The following GPC5 variants were observed in gnomAD, a reference collection of about 807,000 sequenced individuals.
The protein encoded by GPC5 is glypican-5.
A neutral mutation model predicts 53.9 loss-of-function variants in GPC5; 47 were observed. That is an observed-to-expected ratio of 0.87 (90% CI 0.69 to 1.11). GPC5 has a LOEUF of 1.11. Among genes scored for constraint, GPC5 ranks in the 50% most tolerant of loss-of-function variants. The pLI, the probability that GPC5 is intolerant of heterozygous loss-of-function variation, is 0.00. For missense variants in GPC5, 748 were observed against 713.1 expected (o/e 1.05, Z -0.56); for synonymous variants, 286 against 263.3 (o/e 1.09, Z -0.84).
intron 2 of GPC5, among the ~76,000 whole-genome samples, chr13:91,463,876 C>A (rs1882081110): frequency 6.6e-6 from 1 of 152,020 alleles, no homozygotes; most frequent in Admixed American, 6.6e-5. Context: ...GATTAGACAA[C>A]AAGAACACCC....
chr13:92,390,904 C>T (rs1451738077), intron 7 of GPC5, among the ~76,000 whole-genome samples: 1 of 151,984 alleles, frequency 6.6e-6, no homozygotes, highest in Non-Finnish European at 1.5e-5. Context: ...TTCAACTGGT[C>T]ACATAATCAA....
At chr13:92,143,127 A>C (rs575992012) in intron 6 of GPC5, among the ~76,000 whole-genome samples, 33 of 152,256 alleles carry the variant, frequency 2.2e-4, no homozygotes, top group African/African-American at 7.2e-4. Context: ...CCTATTATAG[A>C]TTTGAGGAAA....
intron 5 of GPC5, among the ~76,000 whole-genome samples, chr13:91,823,848 A>G (rs576827068): frequency 2.6e-5 from 4 of 152,176 alleles, no homozygotes; most frequent in Non-Finnish European, 4.4e-5. Flanking sequence ...TTCTTTCAAT[A>G]TGTCTATAAC....
At chr13:91,590,841 A>C (rs1293225248) in intron 2 of GPC5, among the ~76,000 whole-genome samples, 10 of 152,200 alleles carry the variant, frequency 6.6e-5, no homozygotes, top group Non-Finnish European at 1.5e-5. Flanking sequence ...TATTTAAATA[A>C]ATGGACAAAT....
intron 2 of GPC5, among the ~76,000 whole-genome samples, chr13:91,685,956 GA>G (rs1258380561): frequency 6.6e-6 from 1 of 151,344 alleles, no homozygotes; most frequent in Non-Finnish European, 1.5e-5. Flanking sequence ...AGAAAAAGAG[GA>G]AGGAGAACCA....
At chr13:92,543,526 G>A (rs7329646) in intron 7 of GPC5, among the ~76,000 whole-genome samples, 64,457 of 151,194 alleles carry the variant, frequency 0.43, 14,361 homozygotes, top group African/African-American at 0.56. Context: ...CAGCTCAGGC[G>A]TAGGGGATAT....
intron 7 of GPC5, among the ~76,000 whole-genome samples, chr13:92,464,436 C>T (rs887154448): frequency 6.6e-6 from 1 of 151,976 alleles, no homozygotes; most frequent in Non-Finnish European, 1.5e-5. Context: ...AAATAATAAA[C>T]TCCATATTTT....
At chr13:92,537,624 G>C (rs1244115903) in intron 7 of GPC5, among the ~76,000 whole-genome samples, 1 of 152,052 alleles carries the variant, frequency 6.6e-6, no homozygotes, top group Non-Finnish European at 1.5e-5. Context: ...AGGTGTACTA[G>C]TACATTACAG....
chr13:91,433,370 G>T (rs1267478381), intron 1 of GPC5, among the ~76,000 whole-genome samples: 1 of 118,316 alleles, frequency 8.5e-6, no homozygotes, highest in Non-Finnish European at 1.7e-5. Flanking sequence ...CCCACAACAG[G>T]CCCCAGTGTG....
chr13:92,158,374 A>T (rs1566461112), intron 7 of GPC5, among the ~76,000 whole-genome samples: 1 of 152,248 alleles, frequency 6.6e-6, no homozygotes. Flanking sequence ...GAAAATTCAT[A>T]CATTCAAAAC....
chr13:92,216,705 C>T (rs1450218967), intron 7 of GPC5, among the ~76,000 whole-genome samples: 3 of 152,172 alleles, frequency 2.0e-5, no homozygotes, highest in Non-Finnish European at 4.4e-5. Flanking sequence ...ACAAGCCAGG[C>T]GCGGTGGCTC....
chr13:92,654,716 T>A (rs1241891389), intron 7 of GPC5, among the ~76,000 whole-genome samples: 1 of 151,486 alleles, frequency 6.6e-6, no homozygotes. Context: ...TTTTGTAATT[T>A]TATTTTTATA....
intron 2 of GPC5, among the ~76,000 whole-genome samples, chr13:91,657,202 G>A (rs1045926982): frequency 6.6e-6 from 1 of 152,102 alleles, no homozygotes; most frequent in African/African-American, 2.4e-5. Flanking sequence ...CCTTAGTTGA[G>A]TGCTGTAATT....
intron 5 of GPC5, among the ~76,000 whole-genome samples, chr13:91,901,674 A>C (rs1374450976): frequency 2.0e-5 from 3 of 152,044 alleles, no homozygotes; most frequent in Non-Finnish European, 4.4e-5. Context: ...TTGTATGGAA[A>C]ATTTGTTCTT....
At chr13:92,426,087 A>G (rs1316509541) in intron 7 of GPC5, among the ~76,000 whole-genome samples, 1 of 152,084 alleles carries the variant, frequency 6.6e-6, no homozygotes, top group Non-Finnish European at 1.5e-5. Context: ...TTCCAGATTT[A>G]GAAATGCTTT....
chr13:92,729,650 A>G (rs1888748561), intron 7 of GPC5, among the ~76,000 whole-genome samples: 1 of 151,450 alleles, frequency 6.6e-6, no homozygotes, highest in Non-Finnish European at 1.5e-5. Context: ...TCAGCACCTA[A>G]GCTTTAGCAA....
intron 6 of GPC5, among the ~76,000 whole-genome samples, chr13:92,070,676 A>G (rs769409088): frequency 1.3e-5 from 2 of 152,304 alleles, no homozygotes; most frequent in African/African-American, 2.4e-5. Context: ...TATACAAGCT[A>G]ATGAAGTAAC....
At chr13:91,997,242 T>C (rs770320862) in intron 6 of GPC5, among the ~76,000 whole-genome samples, 5 of 152,220 alleles carry the variant, frequency 3.3e-5, no homozygotes, top group Non-Finnish European at 7.3e-5. Context: ...TTATCTATGA[T>C]ACTGGATGAG....
chr13:92,324,517 G>A (rs1448039473), intron 7 of GPC5, among the ~76,000 whole-genome samples: 4 of 151,846 alleles, frequency 2.6e-5, no homozygotes, highest in Admixed American at 2.6e-4. Context: ...ATGCCTGAGA[G>A]TATCTTAACA....
Sources: gnomAD v4.1 joint callset for allele counts (sites outside exome capture counted in the v4.1 genomes callset) on GRCh38, gnomAD v4.1.1 for gene constraint, MANE v1.5 for transcripts, NCBI Gene and HGNC (gene_info 2026-07-23, HGNC 2026-07-21) for gene names.